BRD8: variants seen among roughly 807,000 people sequenced by gnomAD.
The protein encoded by BRD8 is bromodomain-containing protein 8.
Under a neutral mutation model 143.1 loss-of-function variants are expected in BRD8, and 67 were observed. That is an observed-to-expected ratio of 0.47 (90% confidence interval 0.38 to 0.57). BRD8 has a LOEUF of 0.57. Ranked by LOEUF, BRD8 falls within the 20% of genes least tolerant of loss-of-function variation. The pLI, the probability that BRD8 is intolerant of heterozygous loss-of-function variation, is 0.00. For synonymous variants in BRD8, 505 were observed against 517.1 expected (o/e 0.98, Z 0.32); for missense variants, 1,103 against 1,503.0 (o/e 0.73, Z 4.40).
intron 25 of BRD8, among the ~76,000 whole-genome samples, chr5:138,143,974 C>T (rs1752028007): frequency 6.6e-6 from 1 of 152,202 alleles, no homozygotes; most frequent in Non-Finnish European, 1.5e-5. Flanking sequence ...AGGCTTTGTT[C>T]TTTCACTCCG....
At chr5:138,146,181 C>T (rs1347254861) in intron 23 of BRD8, among the ~76,000 whole-genome samples, 1 of 151,786 alleles carries the variant, frequency 6.6e-6, no homozygotes, top group Non-Finnish European at 1.5e-5. Context: ...CCTCAGCCTC[C>T]CAAGTAGCTG....
chr5:138,146,686 G>T (rs562173496), intron 23 of BRD8, among the ~76,000 whole-genome samples: 1 of 152,188 alleles, frequency 6.6e-6, no homozygotes, highest in East Asian at 1.9e-4. Context: ...GTCTCAGATT[G>T]GGCCCGGTGT....
At chr5:138,171,857 C>T (rs573700808) in intron 3 of BRD8, among the ~76,000 whole-genome samples, 2 of 152,198 alleles carry the variant, frequency 1.3e-5, no homozygotes, top group East Asian at 1.9e-4. Flanking sequence ...CAAGCTTGGG[C>T]TCTTAACTGT....
rs1753766889 is a variant in BRD8, at chr5:138,170,378, C to T, written c.472G>A (p.Val158Ile). The T allele has an allele frequency of 1.2e-6, 2 of 1,614,034 alleles. No homozygotes were observed. The highest frequency in any genetic ancestry group is 1.1e-5 in the South Asian group (1 of 91,082). Residue 158 changes from valine (V) to isoleucine (I), a missense_variant, in exon 7 of 27, where the codon GTA (valine) becomes ATA (isoleucine). Coordinates refer to ENST00000254900, the MANE Select transcript of BRD8 (RefSeq NM_139199.2). ...KKKLEEEEAE[V>I]KRKATDAAYQ... ...GCAGCATCTGTAGCCTTCCTCTTTA[C>T]TTCAGCCTCCTCTTCTTCCAATTTC...
At position 138,164,866 on chromosome 5, in the gene BRD8, C is replaced by T. The variant is rs202116901; in HGVS notation, c.1579G>A (p.Gly527Arg). 3.3e-5 allele frequency: 53 copies of T among 1,614,208 alleles called. No homozygotes were observed. In the East Asian group the frequency reaches 1.1e-3, roughly 34 times the overall value. The change falls in exon 12 of 27, where the codon GGA becomes AGA. Residue 527 changes from glycine to arginine, a missense_variant. By Grantham distance (125) the Gly-to-Arg change is moderately radical. Coordinates refer to ENST00000254900, the MANE Select transcript of BRD8 (RefSeq NM_139199.2). ...TCCATACTTGTGGCTGGAACAACTC[C>T]AGCTACTATTTCGGCTCCTGAAATG... ...PVISGAEIVA[G>R]VVPATSMEPP...
At chr5:138,153,348 T>G (rs1019179883) in intron 20 of BRD8, among the ~76,000 whole-genome samples, 1 of 152,192 alleles carries the variant, frequency 6.6e-6, no homozygotes, top group Non-Finnish European at 1.5e-5. Flanking sequence ...TCTTTCTTTG[T>G]CCTCTCCCTT....
chr5:138,171,333 T>C, intron 4 of BRD8, 28 bp downstream of exon 4: 2 of 1,586,740 alleles, frequency 1.3e-6, no homozygotes, highest in South Asian at 1.1e-5. Context: ...TAAAGAAATA[T>C]GGCTGAAGTA....
chr5:138,163,624 G>A, intron 14 of BRD8: 2 of 1,415,582 alleles, frequency 1.4e-6, no homozygotes, highest in South Asian at 2.4e-5. Context: ...CTTTCCCCTT[G>A]CTCGAGAGTA....
At chr5:138,147,870 G>A (rs1250686118) in intron 23 of BRD8, among the ~76,000 whole-genome samples, 1 of 151,960 alleles carries the variant, frequency 6.6e-6, no homozygotes, top group Admixed American at 6.6e-5. Context: ...CCCAGGAGGC[G>A]GAGGCTGAAG....
At chr5:138,176,497 C>A (rs2151224779) in intron 2 of BRD8, among the ~76,000 whole-genome samples, 1 of 152,236 alleles carries the variant, frequency 6.6e-6, no homozygotes, top group South Asian at 2.1e-4. Flanking sequence ...TCGCTTGAAC[C>A]TGGGAGGCGG....
Position 138,164,988 on chromosome 5 carries a change from TC to T in BRD8, c.1456del (p.Asp486ThrfsTer39). On this transcript the variant is annotated frameshift_variant, in exon 12 of 27. Coordinates refer to ENST00000254900, the MANE Select transcript of BRD8 (RefSeq NM_139199.2). LOFTEE classifies it high-confidence loss of function. Reference protein sequence around the residue: ...PEMTVKQERLDFEETENKGIH... With the variant: ...PEMTVKQERLXFEETENKGIH... ...TCCCTTGTTTTCCGTTTCCTCAAAGTCCAGTCTCTCTTGCTTGACCGTCATT... is the reference window on the plus strand; with the variant it reads ...TCCCTTGTTTTCCGTTTCCTCAAAGTCAGTCTCTCTTGCTTGACCGTCATT... 6.2e-7 allele frequency: 1 copy of T among 1,614,194 alleles called. No homozygotes were observed. Among genetic ancestry groups the T allele is most frequent in the Admixed American group, 1.7e-5 (1 of 60,004 alleles).
At chr5:138,156,933 G>GT (rs1426580322) in intron 20 of BRD8, 62 of 1,208,856 alleles carry the variant, frequency 5.1e-5, no homozygotes, top group Middle Eastern at 3.4e-4. Flanking sequence ...ACTGGTGGTT[G>GT]TTTTTTTTAA....
chr5:138,156,694 G>A (rs1752617549), intron 20 of BRD8, among the ~76,000 whole-genome samples: 1 of 152,054 alleles, frequency 6.6e-6, no homozygotes, highest in Non-Finnish European at 1.5e-5. Flanking sequence ...ACACCTTAAG[G>A]TATATTAACT....
intron 14 of BRD8, chr5:138,163,629 A>C: frequency 2.8e-6 from 4 of 1,414,468 alleles, no homozygotes; most frequent in South Asian, 1.2e-5. Flanking sequence ...CCCTTGCTCG[A>C]GAGTAACTCT....
In BRD8 at chr5:138,171,415, TAAAAAA is replaced by T; in HGVS notation, c.187-11_187-6del. 2 of 1,346,142 alleles carry T rather than the reference TAAAAAA, an allele frequency of 1.5e-6. No individual in the cohort carries two copies. Among genetic ancestry groups the T allele is most frequent in the Non-Finnish European group, 2.0e-6 (2 of 982,938 alleles). The allele number at this position is 1,346,142 out of a possible 1,614,324, so 83.4% of individuals were successfully genotyped here. A position where few individuals can be genotyped will look rare whatever the true frequency, so the allele number is the denominator to read the frequency against. On this transcript the variant is annotated splice_polypyrimidine_tract_variant and splice_region_variant and intron_variant, in intron 3 of 26. Transcript: ENST00000254900. ...CGAGTACTGGGAAGCACAATGCTAT[TAAAAAA>T]AAAAAAAAAAGTGAAAATGTGATGA...
rs1362729295 is a variant in BRD8 at position 138,140,086 on chromosome 5, T to C, written c.3696A>G (p.Lys1232=). ...GEPANPVDDG[K]PVF Reference sequence around the variant, plus strand: ...TAGCAGCTCCAGGTTAGAAAACAGGTTTTCCATCATCCACTGGGTTAGCTG... The same window carrying C: ...TAGCAGCTCCAGGTTAGAAAACAGGCTTTCCATCATCCACTGGGTTAGCTG... The change falls in exon 27 of 27, where the codon AAA becomes AAG. Residue 1232 remains lysine, a synonymous_variant. Coordinates refer to ENST00000254900, the MANE Select transcript of BRD8 (RefSeq NM_139199.2). The C allele has an allele frequency of 6.2e-7, 1 of 1,613,304 alleles. No individual in the cohort carries two copies. Among genetic ancestry groups the C allele is most frequent in the Non-Finnish European group, 8.5e-7 (1 of 1,179,310 alleles).
chr5:138,149,144 G>A (rs559509680), intron 23 of BRD8, among the ~76,000 whole-genome samples: 164 of 151,406 alleles, frequency 1.1e-3, no homozygotes, highest in African/African-American at 3.7e-3. Context: ...CCAGGCTGGA[G>A]TGATACAGAC....
chr5:138,154,155 C>T (rs1752480111), intron 20 of BRD8, among the ~76,000 whole-genome samples: 1 of 152,160 alleles, frequency 6.6e-6, no homozygotes. Context: ...ATCCTATCTG[C>T]TCTCAACAAA....
Position 138,172,091 on chromosome 5 carries a change from G to A in BRD8, c.160C>T (p.Arg54Cys), listed in dbSNP as rs1313721340. 4.3e-6 allele frequency: 7 copies of A among 1,613,512 alleles called. No homozygotes were observed. The highest frequency in any genetic ancestry group is 1.3e-5 in the African/African-American group (1 of 74,826). Residue 54 changes from arginine (R) to cysteine (C), a missense_variant, in exon 3 of 27, where the codon CGC becomes TGC. Around this residue, in one of 7 missense-constraint regions of BRD8, gnomAD observed 69 missense variants for 121.6 expected, o/e 0.57. Coordinates refer to ENST00000254900, the MANE Select transcript of BRD8 (RefSeq NM_139199.2). Reference sequence around the variant, plus strand: ...TTTTGAGAGAACCAGTCTGGAGGGCGGCCAGGTTCTGCAAAGGGCTTGATT... The same window carrying A: ...TTTTGAGAGAACCAGTCTGGAGGGCAGCCAGGTTCTGCAAAGGGCTTGATT... Reference protein sequence around the residue: ...RAIKPFAEPGRPPDWFSQKHC... With the variant: ...RAIKPFAEPGCPPDWFSQKHC...
Sources: allele counts gnomAD v4.1 joint callset (sites outside exome capture counted in the v4.1 genomes callset), GRCh38; gene constraint gnomAD v4.1.1; regional missense constraint gnomAD v4.1.1; transcripts MANE v1.5; gene names NCBI Gene and HGNC (gene_info 2026-07-23, HGNC 2026-07-21).